The following ACOXL variants were observed in gnomAD, a reference collection of about 807,000 sequenced individuals.
The protein encoded by ACOXL is acyl-coenzyme A oxidase-like protein.
ACOXL carries 70 observed loss-of-function variants against 71.9 expected under a neutral mutation model. The ratio of observed to expected loss-of-function variants is 0.97; its 90% CI spans 0.80 to 1.19. ACOXL has a LOEUF of 1.19. ACOXL is among the 50% of genes most tolerant of loss of function. The probability of loss-of-function intolerance (pLI) is 0.00; values close to 1 mark genes in which losing one functional copy is unlikely to be tolerated. For missense variants in ACOXL, 703 were observed against 736.3 expected (o/e 0.95, Z 0.52); for synonymous variants, 253 against 281.6 (o/e 0.90, Z 1.02).
intron 1 of ACOXL, among the ~76,000 whole-genome samples, chr2:110,737,289 T>G (rs1447601423): frequency 6.6e-6 from 1 of 152,196 alleles, no homozygotes; most frequent in Non-Finnish European, 1.5e-5. Flanking sequence ...TCTCATGTAA[T>G]TTACTCCATA....
intron 9 of ACOXL, among the ~76,000 whole-genome samples, chr2:110,826,260 A>G (rs768373269): frequency 1.3e-5 from 2 of 152,084 alleles, no homozygotes; most frequent in Admixed American, 6.5e-5. Context: ...GCATCTCCCT[A>G]TTGTCTCTAG....
chr2:110,998,177 A>G (rs2063479919), intron 14 of ACOXL, among the ~76,000 whole-genome samples: 1 of 152,216 alleles, frequency 6.6e-6, no homozygotes, highest in African/African-American at 2.4e-5. Context: ...ACAAAGTAAA[A>G]ACATACTGAA....
At chr2:110,914,382 T>C (rs1947965) in intron 11 of ACOXL, among the ~76,000 whole-genome samples, 9,281 of 152,298 alleles carry the variant, frequency 0.061, 548 homozygotes, top group African/African-American at 0.15. Flanking sequence ...TATACAGGTG[T>C]TCAATTTATC....
At chr2:110,813,745 G>A (rs1687609354) in intron 9 of ACOXL, among the ~76,000 whole-genome samples, 1 of 152,106 alleles carries the variant, frequency 6.6e-6, no homozygotes, top group Non-Finnish European at 1.5e-5. Flanking sequence ...ATAGAGAAAG[G>A]CAACAACAGC....
At chr2:111,099,608 A>C (rs968659150) in intron 17 of ACOXL, 1 of 152,204 alleles carries the variant, frequency 6.6e-6, no homozygotes, top group Non-Finnish European at 1.5e-5. Flanking sequence ...GCTCCATCCT[A>C]ACAAGGTCTC....
chr2:111,115,015 G>A (rs1217394057), intron 17 of ACOXL, among the ~76,000 whole-genome samples: 1 of 152,120 alleles, frequency 6.6e-6, no homozygotes, highest in Non-Finnish European at 1.5e-5. Flanking sequence ...TGCTTGTAGA[G>A]CAATAGTGCC....
intron 10 of ACOXL, among the ~76,000 whole-genome samples, chr2:110,899,493 A>G (rs1304652929): frequency 6.6e-6 from 1 of 152,154 alleles, no homozygotes; most frequent in Non-Finnish European, 1.5e-5. Flanking sequence ...GAAAGAGGAG[A>G]GAAGGCCTGG....
chr2:111,007,229 C>T (rs1033414512), intron 14 of ACOXL, among the ~76,000 whole-genome samples: 2 of 152,142 alleles, frequency 1.3e-5, no homozygotes, highest in African/African-American at 4.8e-5. Flanking sequence ...GGCAAAGATG[C>T]GACTGATATT....
At chr2:111,018,500 C>T (rs922652142) in intron 14 of ACOXL, among the ~76,000 whole-genome samples, 6 of 152,046 alleles carry the variant, frequency 3.9e-5, no homozygotes, top group East Asian at 1.9e-4. Context: ...GATTGGGTGG[C>T]GGATGGGCCC....
chr2:110,937,325 C>T lies in ACOXL; in HGVS notation c.1059+3683C>T, dbSNP rs113428233. Among the ~76,000 whole-genome samples, 816 of 152,306 alleles carry T rather than the reference C, an allele frequency of 5.4e-3. 5 individuals are homozygous for T. The highest frequency in any genetic ancestry group is 0.01 in the Middle Eastern group (3 of 294). On this transcript the variant is annotated intron_variant, in intron 12 of 17. Coordinates refer to ENST00000439055, the MANE Select transcript of ACOXL (RefSeq NM_001142807.4). The stretch of plus-strand genomic sequence containing the variant: ...GGAAATACCAAGAGGTTTAGGAACT[C>T]TGTGTCAGGAACTGGGGTAAAAGAG...
intron 12 of ACOXL, among the ~76,000 whole-genome samples, chr2:110,950,244 A>C (rs1353704011): frequency 6.6e-6 from 1 of 152,080 alleles, no homozygotes. Context: ...ATCGCTCCCC[A>C]GTGAGAAAGT....
At chr2:110,994,466 G>A (rs1286224946) in intron 13 of ACOXL, among the ~76,000 whole-genome samples, 1 of 151,542 alleles carries the variant, frequency 6.6e-6, no homozygotes, top group Non-Finnish European at 1.5e-5. Flanking sequence ...TAGTTAATAT[G>A]AATTTAAGTT....
chr2:111,095,385 C>A lies in ACOXL; in HGVS notation c.1542+2419C>A, dbSNP rs187308948. Among the ~76,000 whole-genome samples the A allele has an allele frequency of 3.9e-3, 481 of 123,260 alleles. 1 individual carries two copies. Among genetic ancestry groups the A allele is most frequent in the African/African-American group, 0.011 (400 of 34,814 alleles). 80.9% of individuals were successfully genotyped at this position (123,260 alleles called of 152,430 possible). ...TTGAAGTGCTTTTGTATTTATTTTT[C>A]TTTTTCTTTTTTTTTTTTTTTTTTG... is the stretch of plus-strand genomic sequence containing the variant. On this transcript the variant is annotated intron_variant, in intron 17 of 17. Transcript: ENST00000439055.
intron 1 of ACOXL, among the ~76,000 whole-genome samples, chr2:110,748,074 C>T (rs913254863): frequency 2.0e-5 from 3 of 152,116 alleles, no homozygotes; most frequent in Non-Finnish European, 2.9e-5. Flanking sequence ...CCCTGTGAGG[C>T]GGCAGAGCCC....
intron 10 of ACOXL, among the ~76,000 whole-genome samples, chr2:110,853,250 G>A (rs564362327): frequency 2.0e-5 from 3 of 152,308 alleles, no homozygotes; most frequent in African/African-American, 7.2e-5. Context: ...CAGCTACGGT[G>A]GAGAGGCCAG....
intron 11 of ACOXL, among the ~76,000 whole-genome samples, chr2:110,925,675 A>T (rs1369299965): frequency 1.3e-5 from 2 of 152,182 alleles, no homozygotes; most frequent in East Asian, 3.9e-4. Flanking sequence ...TCTCCATATC[A>T]GCAAAAGTCT....
At chr2:110,760,251 T>A (rs1680221101) in intron 1 of ACOXL, among the ~76,000 whole-genome samples, 1 of 151,980 alleles carries the variant, frequency 6.6e-6, no homozygotes, top group Non-Finnish European at 1.5e-5. Context: ...GCCATTCTCC[T>A]GCCTCAGCCT....
chr2:110,848,491 G>C (rs1692189116), intron 10 of ACOXL, among the ~76,000 whole-genome samples: 1 of 152,222 alleles, frequency 6.6e-6, no homozygotes, highest in Admixed American at 6.5e-5. Flanking sequence ...CAAGTCATAT[G>C]CTTTTCCTTA....
At chr2:110,792,070 C>T (rs1316242350) in intron 3 of ACOXL, among the ~76,000 whole-genome samples, 1 of 152,198 alleles carries the variant, frequency 6.6e-6, no homozygotes, top group Non-Finnish European at 1.5e-5. Flanking sequence ...GAGGGCTTCT[C>T]TTCCACAGTA....
Sources: gnomAD v4.1 joint callset for allele counts (sites outside exome capture counted in the v4.1 genomes callset) on GRCh38, gnomAD v4.1.1 for gene constraint, MANE v1.5 for transcripts, NCBI Gene and HGNC (gene_info 2026-07-23, HGNC 2026-07-21) for gene names.